The following OR2L13 variants were observed in gnomAD, a reference collection of about 807,000 sequenced individuals.
OR2L13 encodes the protein olfactory receptor family 2 subfamily L member 13.
Under a neutral mutation model 15.3 loss-of-function variants are expected in OR2L13, and 14 were observed. The observed-to-expected ratio is 0.91, with a 90% CI of 0.60 to 1.43. The LOEUF (loss-of-function observed/expected upper bound fraction) is 1.43. OR2L13 is among the 40% of genes most tolerant of loss of function. The pLI, the probability that OR2L13 is intolerant of heterozygous loss-of-function variation, is 0.00. For missense variants in OR2L13, 367 were observed against 387.9 expected (o/e 0.95, Z 0.45); for synonymous variants, 152 against 142.9 (o/e 1.06, Z -0.45).
the OR2L13 span, chr1:248,013,758 T>G: frequency 6.6e-6 from 1 of 152,118 alleles, no homozygotes; most frequent in African/African-American, 2.4e-5. Flanking sequence ...ATATTTGTAT[T>G]TTAAAATTTT....
chr1:248,086,059 T>C, the OR2L13 span, among the ~76,000 whole-genome samples: 9,363 of 152,222 alleles, frequency 0.062, 672 homozygotes, highest in East Asian at 0.34. Context: ...CATATCAGAG[T>C]TTGAAAATAG....
chr1:248,088,816 A>G, the OR2L13 span, among the ~76,000 whole-genome samples: 1 of 152,362 alleles, frequency 6.6e-6, no homozygotes, highest in East Asian at 1.9e-4. Context: ...AGACATGTAA[A>G]GAACTTCTGT....
the OR2L13 span, among the ~76,000 whole-genome samples, chr1:247,945,272 G>A: frequency 1.3e-5 from 2 of 152,142 alleles, no homozygotes; most frequent in East Asian, 1.9e-4. Context: ...TTACCCAGGA[G>A]TCACTCAGGA....
At chr1:248,070,704 A>T in the OR2L13 span, among the ~76,000 whole-genome samples, 4 of 152,134 alleles carry the variant, frequency 2.6e-5, no homozygotes, top group Non-Finnish European at 2.9e-5. Flanking sequence ...TTTTGAAAGG[A>T]TCAACAAAAT....
At chr1:247,989,666 A>G in the OR2L13 span, among the ~76,000 whole-genome samples, 1 of 152,206 alleles carries the variant, frequency 6.6e-6, no homozygotes, top group Non-Finnish European at 1.5e-5. Flanking sequence ...GTAAAATTGT[A>G]TAAATAATTC....
At chr1:247,985,417 A>G in the OR2L13 span, among the ~76,000 whole-genome samples, 1 of 152,146 alleles carries the variant, frequency 6.6e-6, no homozygotes, top group Middle Eastern at 3.2e-3. Context: ...AGCTTCATCC[A>G]TGTCCCTACA....
At chr1:247,946,055 T>A in the OR2L13 span, among the ~76,000 whole-genome samples, 4 of 152,186 alleles carry the variant, frequency 2.6e-5, no homozygotes, top group African/African-American at 9.6e-5. Context: ...ATTTTCAGTG[T>A]GTAAAGTTTT....
the OR2L13 span, among the ~76,000 whole-genome samples, chr1:248,071,298 C>G: frequency 3.9e-5 from 6 of 152,156 alleles, no homozygotes; most frequent in Admixed American, 3.3e-4. Context: ...GGGCTTCATC[C>G]CTGGGATGCA....
chr1:248,099,148 T>C (rs1490212108), intron 2 of OR2L13, among the ~76,000 whole-genome samples: 1 of 152,180 alleles, frequency 6.6e-6, no homozygotes, highest in Non-Finnish European at 1.5e-5. Context: ...TCTACAGTAA[T>C]GAAAATCAAA....
chr1:248,019,754 C>CCTTCTT, the OR2L13 span, among the ~76,000 whole-genome samples: 2 of 138,888 alleles, frequency 1.4e-5, no homozygotes, highest in Non-Finnish European at 3.2e-5. Flanking sequence ...TTCTCCTTCT[C>CCTTCTT]CTTCTTCTTC....
chr1:248,016,818 T>C, the OR2L13 span, among the ~76,000 whole-genome samples: 1 of 152,120 alleles, frequency 6.6e-6, no homozygotes, highest in African/African-American at 2.4e-5. Context: ...AATATAGGCA[T>C]ATGTGTGTTT....
the OR2L13 span, among the ~76,000 whole-genome samples, chr1:248,053,019 G>C: frequency 6.6e-6 from 1 of 152,022 alleles, no homozygotes; most frequent in Non-Finnish European, 1.5e-5. Context: ...GTAAACGTGT[G>C]CCATGGTGAT....
At chr1:247,954,631 A>AT in the OR2L13 span, among the ~76,000 whole-genome samples, 1 of 143,396 alleles carries the variant, frequency 7.0e-6, no homozygotes, top group Non-Finnish European at 1.6e-5. Context: ...TTTTTTTTTG[A>AT]TTTTTTGAGT....
chr1:248,099,875 A>G (rs961601689), exon 3 of OR2L13: 31 of 1,613,742 alleles, frequency 1.9e-5, no homozygotes, highest in African/African-American at 2.7e-5. Context: ...CATATTCCCT[A>G]CTGCAGGTCT....
At chr1:247,957,220 G>C in the OR2L13 span, among the ~76,000 whole-genome samples, 1 of 152,124 alleles carries the variant, frequency 6.6e-6, no homozygotes, top group African/African-American at 2.4e-5. Context: ...TTTGTCATTG[G>C]TTCTGTTTAT....
chr1:248,084,669 T>G, the OR2L13 span: 1 of 1,510,228 alleles, frequency 6.6e-7, no homozygotes, highest in South Asian at 1.3e-5. Context: ...AATAACGAGC[T>G]AACTTCCCTC....
chr1:247,948,451 A>G, the OR2L13 span, among the ~76,000 whole-genome samples: 3 of 152,326 alleles, frequency 2.0e-5, no homozygotes, highest in African/African-American at 7.2e-5. Context: ...ATTTCTCAGA[A>G]AAAAACTAGT....
the OR2L13 span, among the ~76,000 whole-genome samples, chr1:247,944,813 C>T: frequency 6.6e-6 from 1 of 151,972 alleles, no homozygotes; most frequent in Admixed American, 6.6e-5. Flanking sequence ...TATTAGTATT[C>T]TCTGATGATT....
the OR2L13 span, chr1:248,061,143 T>A: frequency 1.9e-6 from 3 of 1,613,624 alleles, no homozygotes; most frequent in Non-Finnish European, 2.5e-6. Context: ...GCTCGATCAA[T>A]GCTTGTGCTC....
Sources: gnomAD v4.1 joint callset for allele counts (sites outside exome capture counted in the v4.1 genomes callset) on GRCh38, gnomAD v4.1.1 for gene constraint, MANE v1.5 for transcripts, NCBI Gene and HGNC (gene_info 2026-07-23, HGNC 2026-07-21) for gene names.